Variants in NCOA2 observed in about 807,000 individuals in gnomAD.
NCOA2 encodes nuclear receptor coactivator 2, also known as class E basic helix-loop-helix protein 75.
NCOA2 carries 21 observed loss-of-function variants against 145.1 expected under a neutral mutation model. That is an observed-to-expected ratio of 0.14 (90% CI 0.10 to 0.21). NCOA2 has a LOEUF of 0.21. Ranked by LOEUF, NCOA2 falls within the 10% of genes least tolerant of loss-of-function variation. NCOA2 has a pLI of 1.00. For missense variants in NCOA2, 1,472 were observed against 1,837.6 expected (o/e 0.80, Z 3.64); for synonymous variants, 619 against 637.5 (o/e 0.97, Z 0.44).
chr8:70,194,343 C>A (rs1019366389), intron 4 of NCOA2, among the ~76,000 whole-genome samples: 1 of 152,206 alleles, frequency 6.6e-6, no homozygotes, highest in Non-Finnish European at 1.5e-5. Context: ...TACATTCCTT[C>A]ATTTTTGATC....
chr8:70,159,319 G>A (rs1223367788), intron 10 of NCOA2, among the ~76,000 whole-genome samples, 186 bp downstream of exon 10: 3 of 143,406 alleles, frequency 2.1e-5, no homozygotes, highest in Non-Finnish European at 4.6e-5. Flanking sequence ...GGATACAGAG[G>A]GCCAATTATA....
chr8:70,339,498 C>T (rs1020378129), intron 1 of NCOA2, among the ~76,000 whole-genome samples: 2 of 152,046 alleles, frequency 1.3e-5, no homozygotes, highest in African/African-American at 4.8e-5. Flanking sequence ...ATGAAAATGG[C>T]CATACTGCCC....
chr8:70,196,879 G>T (rs1447680320), intron 4 of NCOA2, among the ~76,000 whole-genome samples: 1 of 152,102 alleles, frequency 6.6e-6, no homozygotes, highest in Non-Finnish European at 1.5e-5. Flanking sequence ...TGCGCTTTGG[G>T]TTCTAGTTTG....
At chr8:70,313,462 C>T (rs1248198817) in intron 1 of NCOA2, among the ~76,000 whole-genome samples, 1 of 152,052 alleles carries the variant, frequency 6.6e-6, no homozygotes, top group Non-Finnish European at 1.5e-5. Flanking sequence ...TATAACTTAC[C>T]ACTTCAGGCA....
chr8:70,363,473 G>T (rs1455525005), intron 1 of NCOA2, among the ~76,000 whole-genome samples: 2 of 151,756 alleles, frequency 1.3e-5, no homozygotes, highest in Non-Finnish European at 2.9e-5. Flanking sequence ...AAAAATTTAT[G>T]TTCCTAAATT....
intron 1 of NCOA2, among the ~76,000 whole-genome samples, chr8:70,379,068 G>A (rs967529107): frequency 6.6e-6 from 1 of 152,098 alleles, no homozygotes; most frequent in Admixed American, 6.5e-5. Context: ...TAGAAAATGT[G>A]GGAAGAAGTC....
intron 5 of NCOA2, among the ~76,000 whole-genome samples, chr8:70,172,944 A>G (rs1229509095): frequency 1.3e-5 from 2 of 152,208 alleles, no homozygotes; most frequent in Non-Finnish European, 2.9e-5. Flanking sequence ...CTATGATGTA[A>G]GCATGAGTGT....
chr8:70,294,178 T>A (rs1284281880), intron 2 of NCOA2, among the ~76,000 whole-genome samples: 2 of 152,128 alleles, frequency 1.3e-5, no homozygotes, highest in African/African-American at 4.8e-5. Context: ...TGCAAGGCTA[T>A]ATACTAAACT....
chr8:70,291,753 G>A (rs1826698133), intron 2 of NCOA2, among the ~76,000 whole-genome samples: 1 of 152,172 alleles, frequency 6.6e-6, no homozygotes, highest in Non-Finnish European at 1.5e-5. Flanking sequence ...ATAGCATTTT[G>A]TTGTTGTTGC....
chr8:70,182,977 T>G (rs144737094), intron 4 of NCOA2, among the ~76,000 whole-genome samples: 30 of 152,366 alleles, frequency 2.0e-4, no homozygotes, highest in Non-Finnish European at 3.4e-4. Flanking sequence ...ACATTTATTA[T>G]GGCAGCATTC....
At chr8:70,227,349 A>C (rs1820735861) in intron 2 of NCOA2, among the ~76,000 whole-genome samples, 1 of 152,204 alleles carries the variant, frequency 6.6e-6, no homozygotes, top group African/African-American at 2.4e-5. Flanking sequence ...AAATTTAATA[A>C]AGGCTTGTGG....
intron 1 of NCOA2, among the ~76,000 whole-genome samples, chr8:70,389,171 TTAAG>T (rs1329920298): frequency 6.6e-6 from 1 of 152,202 alleles, no homozygotes; most frequent in Non-Finnish European, 1.5e-5. Context: ...TTCAGACTAT[TTAAG>T]TATTTTCCTC....
At chr8:70,127,218 T>A (rs1343472016) in intron 18 of NCOA2, among the ~76,000 whole-genome samples, 171 bp from the exon 19 acceptor site, 1 of 152,214 alleles carries the variant, frequency 6.6e-6, no homozygotes. Context: ...ATTGAGAACA[T>A]GAGCTTCTAA....
chr8:70,240,558 G>A lies in NCOA2; in HGVS notation c.-19-23794C>T, dbSNP rs537480598. ...GATGTTGAAAATGGCCCCCAAGCGT[G>A]ATGTTGGAACGCTATAGAGGGTTCC... On this transcript the variant is annotated intron_variant, in intron 2 of 22. Transcript: ENST00000452400. 7.2e-5 allele frequency among the ~76,000 whole-genome samples: 11 copies of A among 152,244 alleles called. 1 individual carries two copies. The South Asian group carries it at 2.3e-3, about 32-fold the overall frequency.
At chr8:70,155,460 T>C (rs1812173951) in intron 11 of NCOA2, among the ~76,000 whole-genome samples, 1 of 152,256 alleles carries the variant, frequency 6.6e-6, no homozygotes, top group Non-Finnish European at 1.5e-5. Context: ...AGGCAGCTTC[T>C]ATAACAGAGG....
intron 1 of NCOA2, among the ~76,000 whole-genome samples, chr8:70,313,893 G>A (rs1003621037): frequency 9.9e-5 from 15 of 152,044 alleles, no homozygotes; most frequent in Admixed American, 6.5e-4. Context: ...ACTGCTGGCC[G>A]GGCAAGGCGG....
chr8:70,319,873 G>C (rs1488456102), intron 1 of NCOA2, among the ~76,000 whole-genome samples: 2 of 152,138 alleles, frequency 1.3e-5, no homozygotes, highest in Non-Finnish European at 2.9e-5. Flanking sequence ...ATACATGTCA[G>C]ACATGGAGGT....
At chr8:70,455,504 A>T in the NCOA2 span, among the ~76,000 whole-genome samples, 1 of 152,326 alleles carries the variant, frequency 6.6e-6, no homozygotes, top group Admixed American at 6.5e-5. Flanking sequence ...GAAGAACCTT[A>T]AAATAAACTA....
intron 13 of NCOA2, among the ~76,000 whole-genome samples, chr8:70,143,704 G>C (rs546400274): frequency 6.6e-6 from 1 of 152,182 alleles, no homozygotes; most frequent in Non-Finnish European, 1.5e-5. Flanking sequence ...TCAGTTAACT[G>C]TGTAAACAGC....
Sources: gnomAD v4.1 joint callset for allele counts (sites outside exome capture counted in the v4.1 genomes callset) on GRCh38, gnomAD v4.1.1 for gene constraint, MANE v1.5 for transcripts, NCBI Gene and HGNC (gene_info 2026-07-23, HGNC 2026-07-21) for gene names.